FH: variants seen among roughly 807,000 people sequenced by gnomAD.
FH encodes the protein fumarate hydratase, mitochondrial.
FH carries 22 observed loss-of-function variants against 49.4 expected under a neutral mutation model. The ratio of observed to expected loss-of-function variants is 0.45; its 90% CI spans 0.32 to 0.64. The LOEUF (loss-of-function observed/expected upper bound fraction) is 0.64. Ranked by LOEUF, FH falls within the 30% of genes least tolerant of loss-of-function variation. The pLI, the probability that FH is intolerant of heterozygous loss-of-function variation, is 0.05. For missense variants in FH, 526 were observed against 641.5 expected (o/e 0.82, Z 1.95); for synonymous variants, 208 against 223.0 (o/e 0.93, Z 0.60).
In FH at chr1:241,508,670, T is replaced by A. The variant is rs1659993034; in HGVS notation, c.671A>T (p.Glu224Val). 1.2e-6 allele frequency: 2 copies of A among 1,613,726 alleles called. No homozygotes were observed. Among genetic ancestry groups the A allele is most frequent in the South Asian group, 2.2e-5 (2 of 91,086 alleles). ...LHDALDAKSK[E>V]FAQIIKIGRT... The stretch of plus-strand genomic sequence containing the variant: ...TCCAATCTTGATGATCTGTGCAAAC[T>A]CTTTGGATTTTGCATCAAGAGCATC... Residue 224 changes from glutamate (E) to valine (V), a missense_variant, in exon 5 of 10, where the codon GAG (glutamate) becomes GTG (valine). By Grantham distance (121) the Glu-to-Val change is moderately radical. Around this residue, in one of 2 missense-constraint regions of FH, gnomAD observed 383 missense variants for 514.0 expected, o/e 0.75. Coordinates refer to ENST00000366560, the MANE Select transcript of FH (RefSeq NM_000143.4).
intron 9 of FH, among the ~76,000 whole-genome samples, chr1:241,499,775 C>T (rs1487266743): frequency 6.6e-6 from 1 of 152,084 alleles, no homozygotes; most frequent in Non-Finnish European, 1.5e-5. Flanking sequence ...AACATAATGC[C>T]TCAAAATCTA....
intron 6 of FH, 133 bp from the exon 7 acceptor site, chr1:241,504,378 A>T (rs1659861917): frequency 1.2e-6 from 1 of 822,066 alleles, no homozygotes; most frequent in Non-Finnish European, 1.9e-6. Context: ...TGTTTACTTA[A>T]GACTCAAATT....
At chr1:241,509,104 T>C (rs1660010932) in intron 4 of FH, among the ~76,000 whole-genome samples, 1 of 149,826 alleles carries the variant, frequency 6.7e-6, no homozygotes, top group African/African-American at 2.4e-5. Flanking sequence ...ACGTATTATA[T>C]CTGCCTGCTA....
chr1:241,503,958 A>T (rs1659846610), intron 7 of FH, 84 bp downstream of exon 7: 1 of 1,393,736 alleles, frequency 7.2e-7, no homozygotes, highest in East Asian at 2.5e-5. Flanking sequence ...GATAACTTTA[A>T]ACAAAGAGAG....
chr1:241,502,552 T>G lies in FH; in HGVS notation c.1127A>C (p.Gln376Pro), dbSNP rs200796606. The G allele has an allele frequency of 4.6e-5, 75 of 1,614,038 alleles. No homozygotes were observed. The highest frequency in any genetic ancestry group is 5.3e-5 in the Non-Finnish European group (62 of 1,180,012). Residue 376 changes from glutamine to proline, a missense_variant, in exon 8 of 10, where the codon CAG becomes CCG. Gln to Pro is a moderately conservative substitution (Grantham distance 76). Coordinates refer to ENST00000366560, the MANE Select transcript of FH (RefSeq NM_000143.4). ...SIMPGKVNPT[Q>P]CEAMTMVAAQ... is the part of the protein sequence containing the mutation. ...TGCAACCATGGTCATTGCTTCACAC[T>G]GAGTAGGGTTCACCTTGCCTTCAAG...
chr1:241,511,949 C>A lies in FH; in HGVS notation c.555+18G>T. The A allele has an allele frequency of 6.2e-7, 1 of 1,613,168 alleles. No individual in the cohort carries two copies. Among genetic ancestry groups the A allele is most frequent in the Non-Finnish European group, 8.5e-7 (1 of 1,179,344 alleles). On this transcript the variant is annotated intron_variant, in intron 4 of 9. Transcript: ENST00000366560. Reference sequence around the variant, plus strand: ...TTTTCAATTTATAACCAAAAAACAGCAAAGCTCACATACTGACCTGGCTTT... The same window carrying A: ...TTTTCAATTTATAACCAAAAAACAGAAAAGCTCACATACTGACCTGGCTTT...
Position 241,497,619 on chromosome 1 carries a change from TTTTTATTTTATAAATGTA to T in FH, c.*191_*208del. The T allele has an allele frequency of 2.1e-6, 1 of 473,570 alleles. No homozygotes were observed. The highest frequency in any genetic ancestry group is 3.7e-6 in the Non-Finnish European group (1 of 269,214). 29.3% of individuals were successfully genotyped at this position (473,570 alleles called of 1,614,324 possible). On this transcript the variant is annotated 3_prime_UTR_variant, in exon 10 of 10. Transcript: ENST00000366560. ...AGGAGAAAATTTAAGTCTGTTTTCC[TTTTTATTTTATAAATGTA>T]TTTTATTTTATACTTGTTTAATCCA... is the stretch of plus-strand genomic sequence containing the variant.
chr1:241,519,227 T>C, intron 1 of FH: 2 of 253,796 alleles, frequency 7.9e-6, no homozygotes, highest in Non-Finnish European at 1.5e-5. Context: ...GGCACTGTCC[T>C]TGAGGGCAGC....
chr1:241,497,760 T>G lies in FH; in HGVS notation c.*68A>C. 7.0e-7 allele frequency: 1 copy of G among 1,428,954 alleles called. No individual in the cohort carries two copies. The highest frequency in any genetic ancestry group is 2.5e-5 in the East Asian group (1 of 40,282). The allele number at this position is 1,428,954 out of a possible 1,614,324, so 88.5% of individuals were successfully genotyped here. ...GCAGTTTCCTTTCAAACTTATCCGT[T>G]TTTAAGAAATGGGAGTCTGTTTTTT... On this transcript the variant is annotated 3_prime_UTR_variant, in exon 10 of 10. Coordinates refer to ENST00000366560, the MANE Select transcript of FH (RefSeq NM_000143.4).
chr1:241,509,752 G>A (rs1660031960), intron 4 of FH, among the ~76,000 whole-genome samples: 1 of 146,864 alleles, frequency 6.8e-6, no homozygotes, highest in Non-Finnish European at 1.5e-5. Flanking sequence ...CTCCAGCCTG[G>A]GTGACAGAGT....
Position 241,515,617 on chromosome 1 carries a change from A to T in FH, c.267+1565T>A, listed in dbSNP as rs1043528855. 2.0e-5 allele frequency among the ~76,000 whole-genome samples: 3 copies of T among 152,242 alleles called. No individual in the cohort carries two copies. In the East Asian group the frequency reaches 5.8e-4, roughly 29 times the overall value. Reference sequence around the variant, plus strand: ...AGTCTTGAAGGCTTAGGAATGACTTAAAATTATTGAAAATAAAAGCATATT... The same window carrying T: ...AGTCTTGAAGGCTTAGGAATGACTTTAAATTATTGAAAATAAAAGCATATT... On this transcript the variant is annotated intron_variant, in intron 2 of 9. Transcript: ENST00000366560.
At chr1:241,498,691 TA>T (rs1659685055) in intron 9 of FH, among the ~76,000 whole-genome samples, 4 of 62,782 alleles carry the variant, frequency 6.4e-5, no homozygotes, top group Non-Finnish European at 1.2e-4. Flanking sequence ...CAAGCTGTCT[TA>T]ACATATATAT....
chr1:241,510,130 T>C (rs888960855), intron 4 of FH, among the ~76,000 whole-genome samples: 1 of 152,202 alleles, frequency 6.6e-6, no homozygotes, highest in African/African-American at 2.4e-5. Flanking sequence ...AATGAACGTG[T>C]ATTAAAAACA....
intron 9 of FH, among the ~76,000 whole-genome samples, chr1:241,499,580 G>A (rs1020499254): frequency 6.6e-6 from 1 of 152,172 alleles, no homozygotes; most frequent in African/African-American, 2.4e-5. Context: ...ATTATAGCTT[G>A]ATGTGAAACC....
At chr1:241,509,431 T>C (rs2147920124) in intron 4 of FH, among the ~76,000 whole-genome samples, 1 of 152,224 alleles carries the variant, frequency 6.6e-6, no homozygotes, top group Admixed American at 6.5e-5. Flanking sequence ...CCTAGCCAGG[T>C]AGTATATACT....
chr1:241,513,970 G>A (rs1393358861), intron 2 of FH, among the ~76,000 whole-genome samples: 2 of 151,848 alleles, frequency 1.3e-5, no homozygotes, highest in Non-Finnish European at 2.9e-5. Context: ...ATGTGTGTAC[G>A]TCTCCCACAT....
At chr1:241,505,181 G>A (rs1484559790) in intron 6 of FH, among the ~76,000 whole-genome samples, 1 of 152,006 alleles carries the variant, frequency 6.6e-6, no homozygotes, top group East Asian at 1.9e-4. Flanking sequence ...AAAGTGCTAG[G>A]ATTACAGGTG....
chr1:241,508,935 G>A, intron 4 of FH, 150 bp from the exon 5 acceptor site: 1 of 643,454 alleles, frequency 1.6e-6, no homozygotes, highest in Non-Finnish European at 2.7e-6. Flanking sequence ...TCATAGGTGA[G>A]TTATTATAGA....
At chr1:241,500,357 C>T (rs962538937) in intron 9 of FH, 80 bp downstream of exon 9, 3 of 1,384,620 alleles carry the variant, frequency 2.2e-6, no homozygotes. Flanking sequence ...TTCTCAAACA[C>T]TGATCCACTT....
Sources: gnomAD v4.1 joint callset for allele counts (sites outside exome capture counted in the v4.1 genomes callset) on GRCh38, gnomAD v4.1.1 for gene constraint, gnomAD v4.1.1 regional missense constraint, MANE v1.5 for transcripts, NCBI Gene and HGNC (gene_info 2026-07-23, HGNC 2026-07-21) for gene names.